The following RERE variants were observed in gnomAD, a reference collection of about 807,000 sequenced individuals.
RERE encodes the protein arginine-glutamic acid dipeptide repeats, also known as arginine-glutamic acid dipeptide repeats protein.
Under a neutral mutation model 146.1 loss-of-function variants are expected in RERE, and 40 were observed. The observed-to-expected ratio is 0.27, with a 90% CI of 0.21 to 0.36. The LOEUF (loss-of-function observed/expected upper bound fraction) is 0.36, where lower values mean the gene tolerates loss of function less well. Among genes scored for constraint, RERE ranks in the 10% least tolerant of loss-of-function variants. RERE has a pLI of 1.00. For missense variants in RERE, 1,933 were observed against 2,138.7 expected (o/e 0.90, Z 1.90); for synonymous variants, 1,003 against 866.0 (o/e 1.16, Z -2.78).
At chr1:8,538,236 T>C (rs569879826) in intron 7 of RERE, among the ~76,000 whole-genome samples, 2 of 152,236 alleles carry the variant, frequency 1.3e-5, no homozygotes, top group Non-Finnish European at 2.9e-5. Flanking sequence ...CTTACCTAAA[T>C]AACTCAGGGC....
At position 8,750,749 on chromosome 1, in the gene RERE, G is replaced by C. The variant is rs1569710170; in HGVS notation, c.-145+66411C>G. 1.0e-5 allele frequency: 8 copies of C among 784,576 alleles called. No individual in the cohort carries two copies. The East Asian group carries it at 1.9e-4, about 19-fold the overall frequency. 48.6% of individuals were successfully genotyped at this position (784,576 alleles called of 1,614,324 possible). On this transcript the variant is annotated intron_variant, in intron 1 of 22. Coordinates refer to ENST00000400908, the MANE Select transcript of RERE (RefSeq NM_001042681.2). ...TGGTGTGAGCCCAGAGGTCTGAAAG[G>C]TGTTGCAGCTTCTTCGCCTTTATCA... is the stretch of plus-strand genomic sequence containing the variant.
chr1:8,799,167 T>C (rs952731922), intron 1 of RERE: 1 of 151,770 alleles, frequency 6.6e-6, no homozygotes, highest in South Asian at 2.1e-4. Context: ...CTAATTCTTG[T>C]ATTTTTAGTA....
intron 4 of RERE, among the ~76,000 whole-genome samples, chr1:8,575,912 G>A (rs1479729738): frequency 2.6e-5 from 4 of 152,048 alleles, no homozygotes; most frequent in African/African-American, 9.7e-5. Flanking sequence ...AAGTGTCAAG[G>A]TCATGAAAAT....
chr1:8,363,531 C>G (rs1641678159), intron 15 of RERE, among the ~76,000 whole-genome samples: 1 of 152,200 alleles, frequency 6.6e-6, no homozygotes, highest in Non-Finnish European at 1.5e-5. Context: ...AAGGGAAAGA[C>G]CCTGTCAGTA....
At chr1:8,749,898 T>G (rs1640495671) in intron 1 of RERE, among the ~76,000 whole-genome samples, 1 of 152,132 alleles carries the variant, frequency 6.6e-6, no homozygotes, top group Non-Finnish European at 1.5e-5. Context: ...ACACCAGTAA[T>G]TCCAGCACTT....
intron 4 of RERE, among the ~76,000 whole-genome samples, chr1:8,558,945 G>A (rs1646039276): frequency 6.6e-6 from 1 of 151,054 alleles, no homozygotes; most frequent in Admixed American, 6.6e-5. Flanking sequence ...ATAGGTGTGT[G>A]CCACCATGCC....
At chr1:8,678,092 G>C (rs1638882429) in intron 1 of RERE, among the ~76,000 whole-genome samples, 1 of 152,136 alleles carries the variant, frequency 6.6e-6, no homozygotes, top group Non-Finnish European at 1.5e-5. Context: ...CCCTTCTCAG[G>C]CTGCAGAAGC....
At chr1:8,449,874 A>G (rs976744708) in intron 11 of RERE, among the ~76,000 whole-genome samples, 1 of 152,150 alleles carries the variant, frequency 6.6e-6, no homozygotes, top group Non-Finnish European at 1.5e-5. Context: ...ACCCAGAATT[A>G]CTCAAGAGAG....
chr1:8,507,591 T>TA, intron 8 of RERE, among the ~76,000 whole-genome samples: 1 of 151,896 alleles, frequency 6.6e-6, no homozygotes, highest in Admixed American at 6.5e-5. Context: ...CTATTTTTAG[T>TA]AGGGATGGAG....
rs1553128606 is a variant in RERE, at chr1:8,656,262, C to CGG, written c.35_36insCC (p.Glu12AspfsTer84). The CGG allele has an allele frequency of 9.3e-6, 15 of 1,604,948 alleles. No homozygotes were observed. The highest frequency in any genetic ancestry group is 1.3e-5 in the Non-Finnish European group (15 of 1,172,172). On this transcript the variant is annotated frameshift_variant, in exon 2 of 23. Coordinates refer to ENST00000400908, the MANE Select transcript of RERE (RefSeq NM_001042681.2). LOFTEE classifies it high-confidence loss of function. ...GGTCCCGGTCTCGGTCCCGGTCCTT[C>CGG]TCTTTGTCTTTGTCTTTGTCTTTGT... is the stretch of plus-strand genomic sequence containing the variant.
At chr1:8,649,582 T>C (rs1187793533) in intron 2 of RERE, among the ~76,000 whole-genome samples, 1 of 151,808 alleles carries the variant, frequency 6.6e-6, no homozygotes, top group Non-Finnish European at 1.5e-5. Flanking sequence ...ACACAAAAAT[T>C]AGCCGGGCGT....
chr1:8,533,942 G>C (rs1443683030), intron 7 of RERE, among the ~76,000 whole-genome samples: 1 of 152,126 alleles, frequency 6.6e-6, no homozygotes, highest in East Asian at 1.9e-4. Context: ...ACTTCAGTAG[G>C]CTTTGTTTTC....
chr1:8,401,535 G>C (rs1436624946), intron 12 of RERE, among the ~76,000 whole-genome samples: 1 of 152,104 alleles, frequency 6.6e-6, no homozygotes, highest in Non-Finnish European at 1.5e-5. Context: ...TGAGACAAGA[G>C]GATCACTTGA....
intron 8 of RERE, among the ~76,000 whole-genome samples, chr1:8,505,010 T>A (rs1223322163): frequency 6.6e-6 from 1 of 152,180 alleles, no homozygotes; most frequent in African/African-American, 2.4e-5. Context: ...TAACTACTAA[T>A]TCTCAAGTCA....
chr1:8,457,854 G>A (rs765911862), intron 11 of RERE, among the ~76,000 whole-genome samples: 18 of 152,110 alleles, frequency 1.2e-4, no homozygotes, highest in Admixed American at 9.2e-4. Flanking sequence ...CCCTGCCTCC[G>A]CCTCCCAAAG....
chr1:8,698,663 T>C (rs1639384446), intron 1 of RERE, among the ~76,000 whole-genome samples: 1 of 152,170 alleles, frequency 6.6e-6, no homozygotes, highest in Non-Finnish European at 1.5e-5. Flanking sequence ...ATAAATACTT[T>C]ACTTTTTCTA....
intron 4 of RERE, among the ~76,000 whole-genome samples, chr1:8,581,550 A>G (rs1287751752): frequency 6.6e-6 from 1 of 152,104 alleles, no homozygotes; most frequent in East Asian, 1.9e-4. Context: ...CACTCTCCTG[A>G]TTTCTTCTAC....
intron 1 of RERE, among the ~76,000 whole-genome samples, chr1:8,702,793 G>A (rs1045797276): frequency 5.9e-5 from 9 of 152,028 alleles, no homozygotes; most frequent in South Asian, 4.1e-4. Context: ...AATGTTTTCT[G>A]TTCGATTTAA....
chr1:8,656,004 G>C lies in RERE; in HGVS notation c.294C>G (p.Ile98Met). Residue 98 changes from isoleucine (I) to methionine (M), a missense_variant, in exon 2 of 23, where the codon ATC (isoleucine) becomes ATG (methionine). By Grantham distance (10) the Ile-to-Met change is conservative (BLOSUM62 1). This residue lies in a region of RERE where 2 missense variants were observed against 21.3 expected (regional missense o/e 0.09). Coordinates refer to ENST00000400908, the MANE Select transcript of RERE (RefSeq NM_001042681.2). The stretch of plus-strand genomic sequence containing the variant: ...GTCTGTAGACCACATCATCTTCAGT[G>C]ATGTAGGATGTTATCTCACCGGTAT... ...RTDTGEITSYITEDDVVYRPG... is the reference protein window; with the variant it reads ...RTDTGEITSYMTEDDVVYRPG... The C allele has an allele frequency of 6.2e-7, 1 of 1,614,064 alleles. No individual in the cohort carries two copies. The highest frequency in any genetic ancestry group is 8.5e-7 in the Non-Finnish European group (1 of 1,180,000).
Sources: gnomAD v4.1 joint callset for allele counts (sites outside exome capture counted in the v4.1 genomes callset) on GRCh38, gnomAD v4.1.1 for gene constraint, gnomAD v4.1.1 regional missense constraint, MANE v1.5 for transcripts, NCBI Gene and HGNC (gene_info 2026-07-23, HGNC 2026-07-21) for gene names.